The following ZNF892 variants were observed in gnomAD, a reference collection of about 807,000 sequenced individuals.
The protein encoded by ZNF892 is zinc finger protein 892, also known as zinc finger protein 570-like.
chr2:95,210,038 C>A, the ZNF892 span, among the ~76,000 whole-genome samples: 1 of 151,466 alleles, frequency 6.6e-6, no homozygotes, highest in African/African-American at 2.4e-5. Flanking sequence ...CATTAGAAAG[C>A]TGAATATAAA....
At chr2:95,211,360 C>T in the ZNF892 span, among the ~76,000 whole-genome samples, 1 of 152,162 alleles carries the variant, frequency 6.6e-6, no homozygotes, top group Non-Finnish European at 1.5e-5. Flanking sequence ...AAAGTTCATA[C>T]GTTCAAGTTT....
chr2:95,253,048 C>G, the ZNF892 span, among the ~76,000 whole-genome samples: 1 of 152,166 alleles, frequency 6.6e-6, no homozygotes, highest in East Asian at 1.9e-4. Flanking sequence ...CCTGTTCACT[C>G]TGATGGTAGT....
chr2:95,256,044 C>T, the ZNF892 span, among the ~76,000 whole-genome samples: 190 of 152,280 alleles, frequency 1.2e-3, no homozygotes, highest in African/African-American at 4.4e-3. Context: ...ATTTGCCAGT[C>T]TGTGTCTTTT....
chr2:95,246,792 C>T, the ZNF892 span, among the ~76,000 whole-genome samples: 4 of 152,148 alleles, frequency 2.6e-5, no homozygotes, highest in African/African-American at 7.2e-5. Flanking sequence ...CCTAGGAATA[C>T]AGCTAACAAG....
chr2:95,220,791 G>A, the ZNF892 span, among the ~76,000 whole-genome samples: 3 of 152,168 alleles, frequency 2.0e-5, no homozygotes, highest in Admixed American at 6.5e-5. Flanking sequence ...TTTATAAATT[G>A]AGGAAACACC....
the ZNF892 span, among the ~76,000 whole-genome samples, chr2:95,234,739 A>G: frequency 3.3e-5 from 5 of 152,230 alleles, no homozygotes; most frequent in African/African-American, 1.2e-4. Flanking sequence ...CTCACCCTGT[A>G]TGTCTCCTCA....
the ZNF892 span, among the ~76,000 whole-genome samples, chr2:95,244,631 T>C: frequency 6.6e-6 from 1 of 152,112 alleles, no homozygotes; most frequent in Non-Finnish European, 1.5e-5. Flanking sequence ...GACAGATCAT[T>C]GAGACAGAAA....
chr2:95,224,603 A>C, the ZNF892 span, among the ~76,000 whole-genome samples: 1 of 152,100 alleles, frequency 6.6e-6, no homozygotes, highest in African/African-American at 2.4e-5. Context: ...AATAGCACCA[A>C]AGGGGGAAAT....
chr2:95,256,148 T>A, the ZNF892 span, among the ~76,000 whole-genome samples: 1 of 152,240 alleles, frequency 6.6e-6, no homozygotes, highest in Non-Finnish European at 1.5e-5. Flanking sequence ...CATTAGTTGA[T>A]GCAGTTTCTT....
At chr2:95,212,963 G>A in the ZNF892 span, among the ~76,000 whole-genome samples, 1 of 152,280 alleles carries the variant, frequency 6.6e-6, no homozygotes, top group Non-Finnish European at 1.5e-5. Context: ...AAGATGTTAT[G>A]GATTTGACCC....
At chr2:95,220,602 T>C in the ZNF892 span, among the ~76,000 whole-genome samples, 1 of 152,302 alleles carries the variant, frequency 6.6e-6, no homozygotes, top group Non-Finnish European at 1.5e-5. Flanking sequence ...GCTCCACCTT[T>C]CCCGTGACAT....
At chr2:95,249,209 G>GTATATATGTATGTA in the ZNF892 span, among the ~76,000 whole-genome samples, 1 of 71,262 alleles carries the variant, frequency 1.4e-5, no homozygotes, top group Non-Finnish European at 2.8e-5. Context: ...ATATATGTAT[G>GTATATATGTATGTA]TATATATATA....
the ZNF892 span, among the ~76,000 whole-genome samples, chr2:95,242,475 C>T: frequency 2.0e-5 from 3 of 152,192 alleles, no homozygotes; most frequent in African/African-American, 4.8e-5. Context: ...GCCTGCCTTG[C>T]AAGAGCTTCT....
chr2:95,220,526 G>A, the ZNF892 span, among the ~76,000 whole-genome samples: 13 of 152,078 alleles, frequency 8.5e-5, no homozygotes, highest in Admixed American at 2.0e-4. Flanking sequence ...ACTTTCTTAT[G>A]TTTGCTTTGT....
chr2:95,251,998 A>G, the ZNF892 span, among the ~76,000 whole-genome samples: 2 of 152,248 alleles, frequency 1.3e-5, no homozygotes, highest in East Asian at 3.8e-4. Flanking sequence ...GGGACAAGGA[A>G]AAACCTTGGC....
chr2:95,212,130 C>T, the ZNF892 span: 1 of 398,056 alleles, frequency 2.5e-6, no homozygotes, highest in Non-Finnish European at 4.4e-6. Flanking sequence ...TACCATGTTC[C>T]TAAAGACCAG....
chr2:95,249,437 C>CG, the ZNF892 span, among the ~76,000 whole-genome samples: 50 of 147,502 alleles, frequency 3.4e-4, no homozygotes, highest in African/African-American at 1.2e-3. Flanking sequence ...TTAGTAGAGA[C>CG]GGGGTTTCAC....
At chr2:95,238,918 C>T in the ZNF892 span, among the ~76,000 whole-genome samples, 2 of 152,130 alleles carry the variant, frequency 1.3e-5, no homozygotes, top group Non-Finnish European at 2.9e-5. Flanking sequence ...GTGGGTGGAT[C>T]ACCTGAGCTC....
the ZNF892 span, among the ~76,000 whole-genome samples, chr2:95,241,635 G>C: frequency 4.6e-5 from 7 of 152,274 alleles, no homozygotes; most frequent in African/African-American, 1.7e-4. Flanking sequence ...ACAGAATTGG[G>C]CTGAGGCTGA....
Sources: gnomAD v4.1 joint callset for allele counts (sites outside exome capture counted in the v4.1 genomes callset) on GRCh38, gnomAD v4.1.1 for gene constraint, MANE v1.5 for transcripts, NCBI Gene and HGNC (gene_info 2026-07-23, HGNC 2026-07-21) for gene names.